Variants in RBFOX1 observed in about 807,000 individuals in gnomAD.
The protein encoded by RBFOX1 is RNA binding protein fox-1 homolog 1.
RBFOX1 carries 8 observed loss-of-function variants against 57.7 expected under a neutral mutation model. That is an observed-to-expected ratio of 0.14 (90% CI 0.08 to 0.25). RBFOX1 has a LOEUF of 0.25. Among genes scored for constraint, RBFOX1 ranks in the 10% least tolerant of loss-of-function variants. The pLI, the probability that RBFOX1 is intolerant of heterozygous loss-of-function variation, is 1.00. For synonymous variants in RBFOX1, 326 were observed against 222.4 expected (o/e 1.47, Z -4.15); for missense variants, 611 against 548.5 (o/e 1.11, Z -1.14).
chr16:7,671,716 CTT>C, intron 13 of RBFOX1: 1 of 951,438 alleles, frequency 1.1e-6, no homozygotes, highest in Non-Finnish European at 1.7e-6. Context: ...GGAGGAAAGA[CTT>C]AACTGAATTT....
chr16:7,192,274 G>C (rs2085588108), intron 4 of RBFOX1, among the ~76,000 whole-genome samples: 2 of 152,176 alleles, frequency 1.3e-5, no homozygotes, highest in South Asian at 2.1e-4. Flanking sequence ...CAAGGAGAGA[G>C]AGTTTCCTTG....
intron 9 of RBFOX1, among the ~76,000 whole-genome samples, chr16:7,601,983 C>T (rs2095048583): frequency 6.6e-6 from 1 of 152,186 alleles, no homozygotes; most frequent in Non-Finnish European, 1.5e-5. Flanking sequence ...ATGTCAGCTG[C>T]CAGGTCTCTG....
At chr16:7,521,160 G>C (rs142443348) in intron 5 of RBFOX1, among the ~76,000 whole-genome samples, 2 of 152,302 alleles carry the variant, frequency 1.3e-5, no homozygotes, top group East Asian at 3.9e-4. Flanking sequence ...AAGCAGCCCA[G>C]GCAGAGGGAA....
chr16:5,240,342 C>G (rs1185638483), intron 1 of RBFOX1, among the ~76,000 whole-genome samples: 1 of 152,082 alleles, frequency 6.6e-6, no homozygotes, highest in African/African-American at 2.4e-5. Context: ...CCAGGAGCCC[C>G]GTTGGACTCT....
At chr16:7,623,098 G>T (rs953499598) in intron 10 of RBFOX1, among the ~76,000 whole-genome samples, 1 of 152,180 alleles carries the variant, frequency 6.6e-6, no homozygotes, top group African/African-American at 2.4e-5. Flanking sequence ...AGGCTTATGG[G>T]TCACTTTGTA....
chr16:5,997,783 A>T (rs746551833), intron 4 of RBFOX1, among the ~76,000 whole-genome samples: 1 of 152,228 alleles, frequency 6.6e-6, no homozygotes, highest in African/African-American at 2.4e-5. Context: ...GAGATCATCA[A>T]ATCCAATAAA....
At chr16:7,173,072 AAT>A (rs2081014152) in intron 4 of RBFOX1, among the ~76,000 whole-genome samples, 1 of 152,222 alleles carries the variant, frequency 6.6e-6, no homozygotes, top group African/African-American at 2.4e-5. Context: ...AGTAGAAAAG[AAT>A]ATGAGTTCAG....
intron 4 of RBFOX1, among the ~76,000 whole-genome samples, chr16:7,368,316 G>C (rs926710677): frequency 6.6e-6 from 1 of 151,172 alleles, no homozygotes; most frequent in African/African-American, 2.4e-5. Flanking sequence ...TTTCAAATTA[G>C]TGTTTGATAG....
chr16:6,961,838 C>G (rs1019750318), intron 3 of RBFOX1, among the ~76,000 whole-genome samples: 1 of 152,114 alleles, frequency 6.6e-6, no homozygotes. Flanking sequence ...TGAGAGCAAA[C>G]CAGAAGTCAC....
intron 3 of RBFOX1, among the ~76,000 whole-genome samples, chr16:6,962,058 G>A (rs1034997428): frequency 1.1e-4 from 17 of 152,118 alleles, no homozygotes; most frequent in African/African-American, 4.1e-4. Flanking sequence ...TGGTTAGAAG[G>A]CCTCTGACAC....
At chr16:6,169,405 G>A (rs1431015677) in intron 1 of RBFOX1, among the ~76,000 whole-genome samples, 2 of 152,038 alleles carry the variant, frequency 1.3e-5, no homozygotes. Context: ...GAGAGGTTAT[G>A]TCCCTAGAAG....
At chr16:7,473,059 A>C (rs561618551) in intron 4 of RBFOX1, among the ~76,000 whole-genome samples, 1 of 152,148 alleles carries the variant, frequency 6.6e-6, no homozygotes, top group Non-Finnish European at 1.5e-5. Context: ...CCAAGGGTTG[A>C]TACAAACGAT....
chr16:7,301,468 A>T (rs9674069), intron 4 of RBFOX1, among the ~76,000 whole-genome samples: 1 of 152,114 alleles, frequency 6.6e-6, no homozygotes, highest in Admixed American at 6.5e-5. Flanking sequence ...AGGGAATGTC[A>T]GAGCCGTTAT....
At chr16:7,451,551 C>A (rs1459484641) in intron 4 of RBFOX1, among the ~76,000 whole-genome samples, 3 of 152,134 alleles carry the variant, frequency 2.0e-5, no homozygotes, top group Non-Finnish European at 4.4e-5. Flanking sequence ...ACCCTACACT[C>A]ATTGCTCCCT....
intron 4 of RBFOX1, among the ~76,000 whole-genome samples, chr16:7,177,487 A>AT (rs556868066): frequency 2.0e-3 from 266 of 132,444 alleles, no homozygotes; most frequent in Middle Eastern, 3.8e-3. Flanking sequence ...GTATGTATCA[A>AT]TAAAAAAAAA....
At chr16:6,702,693 C>T (rs984885896) in intron 3 of RBFOX1, among the ~76,000 whole-genome samples, 5 of 152,162 alleles carry the variant, frequency 3.3e-5, no homozygotes, top group Admixed American at 1.3e-4. Flanking sequence ...AAATCCTGTA[C>T]GGCAGATACT....
intron 2 of RBFOX1, among the ~76,000 whole-genome samples, chr16:5,512,099 G>T (rs2043614785): frequency 6.6e-6 from 1 of 152,212 alleles, no homozygotes; most frequent in African/African-American, 2.4e-5. Flanking sequence ...TTGTCCGGAG[G>T]AGGGTACTTT....
chr16:5,240,685 A>T (rs2062143736), intron 1 of RBFOX1, among the ~76,000 whole-genome samples: 1 of 152,082 alleles, frequency 6.6e-6, no homozygotes, highest in African/African-American at 2.4e-5. Context: ...TTCCATCCCT[A>T]CAGAGAGGGA....
chr16:7,580,609 A>G (rs80022974), intron 6 of RBFOX1, among the ~76,000 whole-genome samples: 6,840 of 152,306 alleles, frequency 0.045, 551 homozygotes, highest in African/African-American at 0.16. Flanking sequence ...AGAGCAGGCC[A>G]CAAGTCACCA....
Sources: allele counts gnomAD v4.1 joint callset (sites outside exome capture counted in the v4.1 genomes callset), GRCh38; gene constraint gnomAD v4.1.1; transcripts MANE v1.5; gene names NCBI Gene and HGNC (gene_info 2026-07-23, HGNC 2026-07-21).